MIR17HG: variants seen among roughly 807,000 people sequenced by gnomAD.
MIR17HG encodes miR-17-92a-1 cluster host gene, also known as MIR17 host gene (non-protein coding).
intron 3 of MIR17HG, chr13:91,351,989 G>C (rs1243307461): frequency 6.5e-6 from 1 of 152,704 alleles, no homozygotes; most frequent in Admixed American, 6.5e-5. Flanking sequence ...TCCTCAGACT[G>C]CTTTTAGCAT....
At chr13:91,353,806 A>G (rs1594016582) in intron 3 of MIR17HG, 2 of 148,518 alleles carry the variant, frequency 1.3e-5, no homozygotes, top group Admixed American at 6.7e-5. Flanking sequence ...TGGCGTTTGC[A>G]TGTACAACTT....
chr13:91,351,575 A>G (rs1594014869), intron 3 of MIR17HG: 1 of 325,522 alleles, frequency 3.1e-6, no homozygotes, highest in Non-Finnish European at 6.3e-6. Flanking sequence ...TTGGCAGTAT[A>G]AATTCTGGCT....
chr13:91,348,570 G>T (rs1222575057), intron 1 of MIR17HG, among the ~76,000 whole-genome samples: 1 of 151,184 alleles, frequency 6.6e-6, no homozygotes, highest in African/African-American at 2.4e-5. Flanking sequence ...AGATCGGCGC[G>T]GCCTGGGCGC....
At chr13:91,353,555 G>A (rs186990016) in intron 3 of MIR17HG, among the ~76,000 whole-genome samples, 111 of 152,298 alleles carry the variant, frequency 7.3e-4, no homozygotes, top group Non-Finnish European at 1.3e-3. Context: ...CCAACAAAAA[G>A]CCATGTAAGT....
At chr13:91,347,852 GCACCCCCGGCCTGGGGCCT>G (rs1875038183) in exon 1 of MIR17HG, 1 of 150,314 alleles carries the variant, frequency 6.7e-6, no homozygotes, top group Non-Finnish European at 1.5e-5. Flanking sequence ...CCGGCCGGCC[GCACCCCCGGCCTGGGGCCT>G]CCGGTCGTAG....
chr13:91,351,293 A>G (rs1875301347), intron 3 of MIR17HG: 1 of 531,474 alleles, frequency 1.9e-6, no homozygotes, highest in Non-Finnish European at 3.9e-6. Context: ...GTCTGTAGAA[A>G]AGTAAGGGAA....
At chr13:91,352,403 G>A (rs983549906) in intron 3 of MIR17HG, 11 of 152,264 alleles carry the variant, frequency 7.2e-5, no homozygotes, top group African/African-American at 2.6e-4. Flanking sequence ...TGAAGTACAG[G>A]CAAACTTGAT....
At chr13:91,348,193 A>C in intron 1 of MIR17HG, among the ~76,000 whole-genome samples, 1 of 34,588 alleles carries the variant, frequency 2.9e-5, no homozygotes, top group Non-Finnish European at 6.9e-5. Flanking sequence ...GGAGGGTGGG[A>C]GGGGGCGGCG....
intron 1 of MIR17HG, among the ~76,000 whole-genome samples, chr13:91,348,988 C>CGCCGCCGGTCGCCGCGCGGCT (rs527644671): frequency 4.0e-5 from 6 of 150,418 alleles, no homozygotes; most frequent in African/African-American, 7.3e-5. Flanking sequence ...CGGGCCTCGG[C>CGCCGCCGGTCGCCGCGCGGCT]GCCGCCGGTC....
intron 1 of MIR17HG, among the ~76,000 whole-genome samples, chr13:91,348,203 G>C (rs1461149717): frequency 1.3e-4 from 19 of 149,078 alleles, no homozygotes; most frequent in Non-Finnish European, 2.7e-4. Flanking sequence ...AGGGGGCGGC[G>C]TGCGCGTGGC....
chr13:91,351,174 A>T (rs1247260119), intron 3 of MIR17HG: 1 of 526,214 alleles, frequency 1.9e-6, no homozygotes, highest in African/African-American at 1.9e-5. Context: ...CGCCCAATCA[A>T]ACTGTCCTGT....
chr13:91,354,433 T>C (rs1875473451), exon 4 of MIR17HG: 1 of 152,144 alleles, frequency 6.6e-6, no homozygotes, highest in African/African-American at 2.4e-5. Flanking sequence ...AGACAGAACA[T>C]TGAGATGTGC....
At chr13:91,353,573 A>G (rs924063692) in intron 3 of MIR17HG, among the ~76,000 whole-genome samples, 5 of 152,216 alleles carry the variant, frequency 3.3e-5, no homozygotes, top group African/African-American at 1.2e-4. Context: ...AGTATTGTAT[A>G]AAAAGATTCA....
intron 3 of MIR17HG, chr13:91,350,900 T>G: frequency 1.9e-6 from 1 of 534,714 alleles, no homozygotes; most frequent in South Asian, 1.4e-5. Context: ...TGCAGTCCTC[T>G]GTTAGTTTTG....
chr13:91,350,721 G>A (rs779291215), intron 3 of MIR17HG: 5 of 534,000 alleles, frequency 9.4e-6, no homozygotes, highest in Non-Finnish European at 1.9e-5. Flanking sequence ...GGGCTTTAAA[G>A]TGCAGGGCCT....
In MIR17HG at chr13:91,349,029, G is replaced by T. The variant is rs948693930; in HGVS notation, n.141-669G>T. Among the ~76,000 whole-genome samples the T allele has an allele frequency of 2.8e-4, 43 of 151,436 alleles. 1 individual carries two copies. Among genetic ancestry groups the T allele is most frequent in the African/African-American group, 9.4e-4 (39 of 41,440 alleles). ...GCGGCTGCCGCCGGGAAACGGGTTG[G>T]GGGGGTTGCCGCGTCCGGCGGGGCC... is the stretch of plus-strand genomic sequence containing the variant. On this transcript the variant is annotated intron_variant and non_coding_transcript_variant, in intron 1 of 3. Coordinates refer to ENST00000400282, the Ensembl canonical transcript of MIR17HG.
chr13:91,349,328 C>G (rs988696432), intron 1 of MIR17HG, among the ~76,000 whole-genome samples: 1 of 151,976 alleles, frequency 6.6e-6, no homozygotes, highest in Non-Finnish European at 1.5e-5. Flanking sequence ...TCCCGGCTTG[C>G]AGCCACGAGG....
At chr13:91,350,540 TTATC>T (rs1441567488) in intron 3 of MIR17HG, 12 of 531,856 alleles carry the variant, frequency 2.3e-5, no homozygotes, top group Non-Finnish European at 4.6e-5. Flanking sequence ...TTAATTCTAA[TTATC>T]TATTTCAAAT....
intron 3 of MIR17HG, chr13:91,351,908 A>G (rs1056292481): frequency 6.5e-6 from 1 of 154,540 alleles, no homozygotes; most frequent in Non-Finnish European, 1.4e-5. Context: ...ACTGAAGTGT[A>G]ACTGTTAAAT....
Sources: gnomAD v4.1 joint callset for allele counts (sites outside exome capture counted in the v4.1 genomes callset) on GRCh38, gnomAD v4.1.1 for gene constraint, MANE v1.5 for transcripts, NCBI Gene and HGNC (gene_info 2026-07-23, HGNC 2026-07-21) for gene names.